SYT1: variants seen among roughly 807,000 people sequenced by gnomAD.
The protein encoded by SYT1 is synaptotagmin 1.
SYT1 carries 8 observed loss-of-function variants against 44.8 expected under a neutral mutation model. That is an observed-to-expected ratio of 0.18 (90% CI 0.10 to 0.32). The LOEUF is 0.32. SYT1 is among the 10% of genes least tolerant of loss of function. The probability of loss-of-function intolerance (pLI) is 1.00; values close to 1 mark genes in which losing one functional copy is unlikely to be tolerated. For synonymous variants in SYT1, 154 were observed against 188.8 expected (o/e 0.82, Z 1.51); for missense variants, 286 against 509.3 (o/e 0.56, Z 4.22).
chr12:79,004,550 C>T (rs1474314295), intron 2 of SYT1, among the ~76,000 whole-genome samples: 1 of 151,788 alleles, frequency 6.6e-6, no homozygotes, highest in Non-Finnish European at 1.5e-5. Context: ...GTTTTGTTGG[C>T]TTAGGGCTAA....
chr12:79,447,110 C>T (rs755801452), intron 10 of SYT1, among the ~76,000 whole-genome samples: 2 of 152,160 alleles, frequency 1.3e-5, no homozygotes, highest in Non-Finnish European at 2.9e-5. Flanking sequence ...TTTGTCAGGA[C>T]AGACAGAAAC....
At chr12:78,877,315 T>G (rs1223268928) in intron 1 of SYT1, among the ~76,000 whole-genome samples, 1 of 151,412 alleles carries the variant, frequency 6.6e-6, no homozygotes, top group Non-Finnish European at 1.5e-5. Flanking sequence ...TCGTGAGACT[T>G]ATTCACTATC....
chr12:79,289,447 T>A (rs542155708), intron 5 of SYT1, among the ~76,000 whole-genome samples: 3 of 152,302 alleles, frequency 2.0e-5, no homozygotes, highest in Non-Finnish European at 4.4e-5. Context: ...ATAGACTTAA[T>A]CACTTCAGTG....
chr12:79,207,394 G>C (rs1874187414), intron 3 of SYT1, among the ~76,000 whole-genome samples: 1 of 152,126 alleles, frequency 6.6e-6, no homozygotes, highest in Non-Finnish European at 1.5e-5. Flanking sequence ...TAGGTTCCAG[G>C]ATACATGTAC....
Position 79,034,580 on chromosome 12 carries a change from G to A in SYT1, c.-83-12717G>A, listed in dbSNP as rs568847650. On this transcript the variant is annotated intron_variant, in intron 2 of 10. Coordinates refer to ENST00000261205, the MANE Select transcript of SYT1 (RefSeq NM_005639.3). ...TCATATGTAAATAGAGATAATTAAC[G>A]CCTACTGAACAATTTCCTTGTGAAG... 5.9e-5 allele frequency among the ~76,000 whole-genome samples: 9 copies of A among 151,740 alleles called. No homozygotes were observed. The South Asian group carries it at 1.0e-3, about 17-fold the overall frequency.
chr12:79,403,223 T>C (rs1187063642), intron 9 of SYT1, among the ~76,000 whole-genome samples: 1 of 152,102 alleles, frequency 6.6e-6, no homozygotes, highest in African/African-American at 2.4e-5. Context: ...TTATACAGGA[T>C]TCCCCAGAGA....
At chr12:79,194,664 C>A (rs1206605999) in intron 3 of SYT1, among the ~76,000 whole-genome samples, 1 of 152,122 alleles carries the variant, frequency 6.6e-6, no homozygotes, top group Non-Finnish European at 1.5e-5. Context: ...TACACACACA[C>A]ACTTGAAACA....
In SYT1 at chr12:79,447,146, C is replaced by T. The variant is rs187674256; in HGVS notation, c.1063-1772C>T. Reference sequence around the variant, plus strand: ...TATGCCCAATATAGAATACATTAGACATGGAAATAATGAGCATTCCTTTGA... The same window carrying T: ...TATGCCCAATATAGAATACATTAGATATGGAAATAATGAGCATTCCTTTGA... On this transcript the variant is annotated intron_variant, in intron 10 of 10. Transcript: ENST00000261205. 1.9e-3 allele frequency among the ~76,000 whole-genome samples: 285 copies of T among 152,222 alleles called. 4 individuals are homozygous for T. Among genetic ancestry groups the T allele is most frequent in the Non-Finnish European group, 1.0e-3 (71 of 68,002 alleles).
At chr12:79,112,655 A>G (rs1879079012) in intron 3 of SYT1, among the ~76,000 whole-genome samples, 1 of 152,192 alleles carries the variant, frequency 6.6e-6, no homozygotes, top group African/African-American at 2.4e-5. Flanking sequence ...GAAAATATTT[A>G]GGTGATCTAA....
chr12:79,351,354 T>C (rs1200354880), intron 8 of SYT1, among the ~76,000 whole-genome samples: 2 of 152,178 alleles, frequency 1.3e-5, no homozygotes, highest in African/African-American at 4.8e-5. Flanking sequence ...ATTTCTTTGT[T>C]CAACACAATT....
At position 78,969,664 on chromosome 12, in the gene SYT1, T is replaced by C. The variant is rs113320997; in HGVS notation, c.-216-8135T>C. On this transcript the variant is annotated intron_variant, in intron 1 of 10. Coordinates refer to ENST00000261205, the MANE Select transcript of SYT1 (RefSeq NM_005639.3). The stretch of plus-strand genomic sequence containing the variant: ...GAAGTTTGATTTGACTGTGATATAA[T>C]GAGGGGAGTGTGGTGAGATGAAGTA... 1.4e-3 allele frequency among the ~76,000 whole-genome samples: 216 copies of C among 152,098 alleles called. 1 individual carries two copies. Among genetic ancestry groups the C allele is most frequent in the Middle Eastern group, 0.01 (3 of 294 alleles).
At chr12:79,043,931 C>G (rs1049561731) in intron 2 of SYT1, among the ~76,000 whole-genome samples, 14 of 152,312 alleles carry the variant, frequency 9.2e-5, no homozygotes, top group Admixed American at 2.0e-4. Context: ...AAATTGTTTT[C>G]TTTAAGAATG....
At chr12:78,948,351 T>C (rs1713575112) in intron 1 of SYT1, among the ~76,000 whole-genome samples, 1 of 152,048 alleles carries the variant, frequency 6.6e-6, no homozygotes, top group South Asian at 2.1e-4. Flanking sequence ...TAAGTTAGGT[T>C]AATTACTGCC....
chr12:78,933,051 T>C (rs939033484), intron 1 of SYT1, among the ~76,000 whole-genome samples: 1 of 152,188 alleles, frequency 6.6e-6, no homozygotes, highest in Non-Finnish European at 1.5e-5. Flanking sequence ...TGTTTGATTT[T>C]GAAGAAAGCC....
chr12:78,881,376 A>T (rs772017375), intron 1 of SYT1, among the ~76,000 whole-genome samples: 1 of 151,676 alleles, frequency 6.6e-6, no homozygotes, highest in Admixed American at 6.6e-5. Context: ...CCAGCATTAC[A>T]TTTGTCATGT....
At chr12:79,216,162 C>G (rs1335925005) in intron 3 of SYT1, among the ~76,000 whole-genome samples, 1 of 151,994 alleles carries the variant, frequency 6.6e-6, no homozygotes, top group Non-Finnish European at 1.5e-5. Flanking sequence ...AACTCCTGAC[C>G]TCAAGTGATC....
intron 8 of SYT1, among the ~76,000 whole-genome samples, chr12:79,339,656 A>C (rs1882267390): frequency 6.6e-6 from 1 of 152,178 alleles, no homozygotes. Context: ...TTTGCTGTGC[A>C]GAAGCCCTTT....
chr12:79,363,572 T>TAAA (rs113675330), intron 9 of SYT1, among the ~76,000 whole-genome samples: 1 of 139,598 alleles, frequency 7.2e-6, no homozygotes, highest in Non-Finnish European at 1.6e-5. Flanking sequence ...CAAAAAAAAT[T>TAAA]AAAAAAAAAA....
chr12:79,097,856 G>A (rs1382245076), intron 3 of SYT1, among the ~76,000 whole-genome samples: 1 of 152,000 alleles, frequency 6.6e-6, no homozygotes, highest in Non-Finnish European at 1.5e-5. Flanking sequence ...TTCCTAACTA[G>A]GGAAAAGCTT....
Sources: gnomAD v4.1 joint callset for allele counts (sites outside exome capture counted in the v4.1 genomes callset) on GRCh38, gnomAD v4.1.1 for gene constraint, MANE v1.5 for transcripts, NCBI Gene and HGNC (gene_info 2026-07-23, HGNC 2026-07-21) for gene names.